The following PTPRG variants were observed in gnomAD, a reference collection of about 807,000 sequenced individuals.
The protein encoded by PTPRG is receptor-type tyrosine-protein phosphatase gamma.
Under a neutral mutation model 165.3 loss-of-function variants are expected in PTPRG, and 102 were observed. The observed-to-expected ratio is 0.62, with a 90% CI of 0.53 to 0.73. PTPRG has a LOEUF of 0.73. PTPRG is among the 30% of genes least tolerant of loss of function. The probability of loss-of-function intolerance (pLI) is 0.00; values close to 1 mark genes in which losing one functional copy is unlikely to be tolerated. For synonymous variants in PTPRG, 675 were observed against 669.5 expected (o/e 1.01, Z -0.13); for missense variants, 1,866 against 1,861.4 (o/e 1.00, Z -0.05).
chr3:61,778,786 CA>C (rs1157430562), intron 2 of PTPRG, among the ~76,000 whole-genome samples: 3 of 152,130 alleles, frequency 2.0e-5, no homozygotes, highest in African/African-American at 7.2e-5. Flanking sequence ...GAAGGTCTCC[CA>C]GTCATGTGAT....
chr3:61,806,781 A>G (rs564010016), intron 2 of PTPRG, among the ~76,000 whole-genome samples: 1 of 152,340 alleles, frequency 6.6e-6, no homozygotes, highest in Admixed American at 6.5e-5. Context: ...TCATAAAACC[A>G]GTGTCTACAA....
intron 5 of PTPRG, among the ~76,000 whole-genome samples, chr3:62,104,289 T>C (rs1490394966): frequency 6.6e-6 from 1 of 152,214 alleles, no homozygotes; most frequent in Non-Finnish European, 1.5e-5. Context: ...CCTGCTGGCC[T>C]TCCATCTCAT....
chr3:62,073,295 A>G (rs1272777258), intron 4 of PTPRG, among the ~76,000 whole-genome samples: 2 of 152,202 alleles, frequency 1.3e-5, no homozygotes, highest in Non-Finnish European at 2.9e-5. Context: ...AATGAGGAGC[A>G]GGATATTTAT....
chr3:61,869,747 T>TTTTTGTTTTGTTTTGTTTTGTTTTG (rs552364668), intron 2 of PTPRG, among the ~76,000 whole-genome samples: 1 of 151,176 alleles, frequency 6.6e-6, no homozygotes, highest in African/African-American at 2.4e-5. Context: ...CCTGGCTAAT[T>TTTTTGTTTTGTTTTGTTTTGTTTTG]TTTTGTTTTG....
intron 2 of PTPRG, among the ~76,000 whole-genome samples, chr3:61,843,632 T>A (rs2036716345): frequency 6.6e-6 from 1 of 152,210 alleles, no homozygotes; most frequent in Non-Finnish European, 1.5e-5. Flanking sequence ...GGTTTATCCC[T>A]AAGGCAATTT....
At chr3:61,672,140 C>G (rs901763480) in intron 1 of PTPRG, among the ~76,000 whole-genome samples, 4 of 148,850 alleles carry the variant, frequency 2.7e-5, no homozygotes, top group African/African-American at 1.0e-4. Flanking sequence ...GGCAGAGATG[C>G]TCCTCACTTC....
At chr3:62,032,153 G>A (rs1699791151) in intron 4 of PTPRG, among the ~76,000 whole-genome samples, 1 of 152,176 alleles carries the variant, frequency 6.6e-6, no homozygotes, top group Non-Finnish European at 1.5e-5. Flanking sequence ...AGGTAGATGG[G>A]CCTGCAGAGA....
At chr3:62,178,133 G>GAGA (rs1705501829) in intron 8 of PTPRG, among the ~76,000 whole-genome samples, 2 of 144,530 alleles carry the variant, frequency 1.4e-5, no homozygotes, top group Non-Finnish European at 3.0e-5. Flanking sequence ...ACAAATGGAT[G>GAGA]GGAGGATGGA....
rs1350521249 is a variant in PTPRG at position 61,922,696 on chromosome 3, A to G, written c.191-66929A>G. Reference sequence around the variant, plus strand: ...TACTCTGTGGCCCAGGCCGGAGTACATTGGTGTGATCATGGCTCACTGCAG... The same window carrying G: ...TACTCTGTGGCCCAGGCCGGAGTACGTTGGTGTGATCATGGCTCACTGCAG... On this transcript the variant is annotated intron_variant, in intron 2 of 29. Transcript: ENST00000474889. 2.0e-5 allele frequency among the ~76,000 whole-genome samples: 3 copies of G among 152,282 alleles called. No homozygotes were observed. In the South Asian group the frequency reaches 6.2e-4, roughly 32 times the overall value.
intron 5 of PTPRG, among the ~76,000 whole-genome samples, chr3:62,089,012 A>T (rs149076679): frequency 6.6e-6 from 1 of 152,340 alleles, no homozygotes; most frequent in Non-Finnish European, 1.5e-5. Flanking sequence ...ATTTGAGAAG[A>T]ACTTTACAAT....
chr3:62,055,686 T>C (rs1188642990), intron 4 of PTPRG, among the ~76,000 whole-genome samples: 1 of 152,222 alleles, frequency 6.6e-6, no homozygotes, highest in Non-Finnish European at 1.5e-5. Context: ...GAATCGCTTT[T>C]GTGCTTTTGC....
intron 8 of PTPRG, among the ~76,000 whole-genome samples, chr3:62,169,226 C>T (rs527884438): frequency 5.3e-5 from 8 of 152,140 alleles, no homozygotes; most frequent in African/African-American, 4.8e-5. Context: ...GGCCTTTGCC[C>T]GGGAACTGCC....
At chr3:61,940,268 T>C (rs976274046) in intron 2 of PTPRG, among the ~76,000 whole-genome samples, 4 of 152,164 alleles carry the variant, frequency 2.6e-5, no homozygotes, top group Non-Finnish European at 5.9e-5. Flanking sequence ...GTTTTTAATG[T>C]GGTTGCATTA....
rs150070786 is a variant in PTPRG at position 61,656,376 on chromosome 3, C to T, written c.86-92502C>T. Among the ~76,000 whole-genome samples, 1,354 of 152,248 alleles carry T rather than the reference C, an allele frequency of 8.9e-3. 15 individuals are homozygous for T. Among genetic ancestry groups the T allele is most frequent in the African/African-American group, 0.03 (1,258 of 41,544 alleles). On this transcript the variant is annotated intron_variant, in intron 1 of 29. Transcript: ENST00000474889. ...AGCAAATTTAGTAGGGAAATGCCTC[C>T]ATAGCCCCCAATTTACATATGAATA... is the stretch of plus-strand genomic sequence containing the variant.
Position 61,945,532 on chromosome 3 carries a change from C to T in PTPRG, c.191-44093C>T, listed in dbSNP as rs140112465. On this transcript the variant is annotated intron_variant, in intron 2 of 29. Transcript: ENST00000474889. ...CAAGATGGCGCTACTGCACTCCAGC[C>T]TGGGCAATAGGAATGAAACTCCGTC... is the stretch of plus-strand genomic sequence containing the variant. 4.1e-3 allele frequency among the ~76,000 whole-genome samples: 496 copies of T among 121,038 alleles called. 3 individuals are homozygous for T. The highest frequency in any genetic ancestry group is 0.015 in the African/African-American group (474 of 30,998). The allele number at this position is 121,038 out of a possible 152,430, so 79.4% of individuals were successfully genotyped here.
chr3:62,026,659 G>A (rs143598692), intron 4 of PTPRG, among the ~76,000 whole-genome samples: 1 of 152,046 alleles, frequency 6.6e-6, no homozygotes, highest in East Asian at 1.9e-4. Flanking sequence ...GGCCAAGGTC[G>A]GTGGATCATA....
chr3:62,213,089 C>T lies in PTPRG; in HGVS notation c.2156-5762C>T, dbSNP rs1053568585. 4.6e-5 allele frequency among the ~76,000 whole-genome samples: 7 copies of T among 152,182 alleles called. No individual in the cohort carries two copies. The highest frequency in any genetic ancestry group is 1.7e-4 in the African/African-American group (7 of 41,448). On this transcript the variant is annotated intron_variant, in intron 12 of 29. Coordinates refer to ENST00000474889, the MANE Select transcript of PTPRG (RefSeq NM_002841.4). The surrounding 1 kb of genome is among the most constrained non-coding windows in gnomAD (Gnocchi z 4.4). ...CCAGTAACTGGGCAGCTCAGTTCTG[C>T]TGGACCCTTCAGGAGGCAGCTAGGT...
rs558049758 is a variant in PTPRG at position 61,933,669 on chromosome 3, C to T, written c.191-55956C>T. Among the ~76,000 whole-genome samples the T allele has an allele frequency of 1.5e-4, 20 of 134,426 alleles. No homozygotes were observed. In the East Asian group the frequency reaches 4.4e-3, roughly 30 times the overall value. 88.2% of individuals were successfully genotyped at this position (134,426 alleles called of 152,430 possible). A position where few individuals can be genotyped will look rare whatever the true frequency, so the allele number is the denominator to read the frequency against. ...CCATCAGAGTGTGACTCAACATTGA[C>T]GGTGGCCACTGACGCCCCTTCCACT... On this transcript the variant is annotated intron_variant, in intron 2 of 29. Transcript: ENST00000474889.
At chr3:61,926,581 T>TCCCCTCCCTCCCTCCC (rs1488879902) in intron 2 of PTPRG, among the ~76,000 whole-genome samples, 2 of 91,544 alleles carry the variant, frequency 2.2e-5, no homozygotes, top group African/African-American at 9.3e-5. Context: ...TTTCTTCCCC[T>TCCCCTCCCTCCCTCCC]TCCCTCCCTC....
Sources: gnomAD v4.1 joint callset for allele counts (sites outside exome capture counted in the v4.1 genomes callset) on GRCh38, gnomAD v4.1.1 for gene constraint, Gnocchi (gnomAD v3.1) non-coding constraint, MANE v1.5 for transcripts, NCBI Gene and HGNC (gene_info 2026-07-23, HGNC 2026-07-21) for gene names.